The following SYNE1 variants were observed in gnomAD, a reference collection of about 807,000 sequenced individuals.
SYNE1 encodes the protein nesprin-1.
A neutral mutation model predicts 1,111.0 loss-of-function variants in SYNE1; 616 were observed. That is an observed-to-expected ratio of 0.55 (90% confidence interval 0.52 to 0.59). The LOEUF (loss-of-function observed/expected upper bound fraction) is 0.59. Ranked by LOEUF, SYNE1 falls within the 20% of genes least tolerant of loss-of-function variation. SYNE1 has a pLI of 0.00. For missense variants in SYNE1, 10,006 were observed against 10,417.0 expected (o/e 0.96, Z 1.72); for synonymous variants, 3,855 against 3,825.8 (o/e 1.01, Z -0.28).
rs774875575 is a variant in SYNE1 at position 152,135,146 on chromosome 6, G to T, written c.25746C>A (p.Asn8582Lys). The change falls in exon 142 of 146, where the codon AAC (asparagine) becomes AAA (lysine). Residue 8582 changes from asparagine (N) to lysine (K), a missense_variant. Transcript: ENST00000367255. The part of the protein sequence containing the change: ...RKNEIVPIDS[N>K]LDAEILQDHH... ...GGTCCTGAAGTATCTCTGCATCAAGGTTAGAATCAATAGGGACAATTTCAT... is the reference window on the plus strand; with the variant it reads ...GGTCCTGAAGTATCTCTGCATCAAGTTTAGAATCAATAGGGACAATTTCAT... 4 of 1,613,996 alleles carry T rather than the reference G, an allele frequency of 2.5e-6. No individual in the cohort carries two copies. The South Asian group carries it at 3.3e-5, about 13-fold the overall frequency.
intron 3 of SYNE1, among the ~76,000 whole-genome samples, chr6:152,605,018 G>A (rs1173201452): frequency 2.7e-4 from 18 of 65,514 alleles, no homozygotes; most frequent in African/African-American, 7.9e-4. Context: ...GAGAGAGAGA[G>A]AGAGAGAGAG....
intron 82 of SYNE1, 29 bp downstream of exon 82, chr6:152,323,449 C>T (rs2153937489): frequency 1.9e-6 from 3 of 1,608,158 alleles, no homozygotes; most frequent in Non-Finnish European, 2.5e-6. Flanking sequence ...AACAAACAAA[C>T]AAAAGAATGA....
chr6:152,490,003 A>AC (rs554982110), intron 11 of SYNE1, among the ~76,000 whole-genome samples: 1 of 151,760 alleles, frequency 6.6e-6, no homozygotes, highest in Non-Finnish European at 1.5e-5. Flanking sequence ...GCTAATATTC[A>AC]CCCAAATGCA....
rs2096215808 is a variant in SYNE1 at position 152,330,329 on chromosome 6, T to A, written c.14356A>T (p.Met4786Leu). The A allele has an allele frequency of 3.7e-6, 6 of 1,614,156 alleles. No individual in the cohort carries two copies. The East Asian group carries it at 8.9e-5, about 24-fold the overall frequency. The part of the protein sequence containing the change: ...TTSAYQEHEK[M>L]CQQLERQLKS... ...AGTTGTCTCTCCAGCTGTTGGCACA[T>A]CTTCTCGTGTTCTTGGTAAGCACTG... is the stretch of plus-strand genomic sequence containing the variant. The change falls in exon 78 of 146, where the codon ATG (methionine) becomes TTG (leucine). Residue 4786 changes from methionine (M) to leucine (L), a missense_variant. Met to Leu is a conservative substitution (Grantham distance 15, BLOSUM62 2). Around this residue, in one of 7 missense-constraint regions of SYNE1, gnomAD observed 4,955 missense variants for 5,017.2 expected, o/e 0.99. Coordinates refer to ENST00000367255, the MANE Select transcript of SYNE1 (RefSeq NM_182961.4).
At chr6:152,367,446 G>A (rs1436001244) in intron 61 of SYNE1, 64 bp from the exon 62 acceptor site, 1 of 1,594,316 alleles carries the variant, frequency 6.3e-7, no homozygotes, top group Non-Finnish European at 8.5e-7. Flanking sequence ...AAAGCTAACA[G>A]TTTGTTTGAA....
At chr6:152,338,067 G>C (rs1454097610) in intron 75 of SYNE1, among the ~76,000 whole-genome samples, 1 of 152,100 alleles carries the variant, frequency 6.6e-6, no homozygotes, top group Admixed American at 6.5e-5. Flanking sequence ...AGAATTGCTT[G>C]AATGTGGGAG....
At chr6:152,584,411 AC>A (rs2099530664) in intron 3 of SYNE1, among the ~76,000 whole-genome samples, 1 of 152,152 alleles carries the variant, frequency 6.6e-6, no homozygotes, top group South Asian at 2.1e-4. Flanking sequence ...GTGCAAAATA[AC>A]ATCTGCTTCT....
intron 15 of SYNE1, 102 bp downstream of exon 15, chr6:152,472,199 C>A (rs1045931228): frequency 1.6e-5 from 15 of 966,256 alleles, no homozygotes; most frequent in African/African-American, 1.5e-4. Context: ...CAAAGGTAGG[C>A]GCCTCTGTTA....
chr6:152,219,212 C>T (rs1156377824), intron 119 of SYNE1, 27 bp from the exon 120 acceptor site: 1 of 1,609,046 alleles, frequency 6.2e-7, no homozygotes, highest in South Asian at 1.1e-5. Flanking sequence ...TATGCCCACT[C>T]TGAAGCATGT....
chr6:152,136,856 A>G (rs1239516850), intron 140 of SYNE1, 38 bp from the exon 141 acceptor site: 1 of 1,599,640 alleles, frequency 6.3e-7, no homozygotes, highest in South Asian at 1.1e-5. Context: ...CAAGGACAAT[A>G]ATGACAAAGA....
In SYNE1 at chr6:152,269,510, AG is replaced by A. The variant is rs1443134132; in HGVS notation, c.18574-225del. 9.2e-5 allele frequency among the ~76,000 whole-genome samples: 14 copies of A among 152,348 alleles called. No individual in the cohort carries two copies. The East Asian group carries it at 2.7e-3, about 29-fold the overall frequency. ...AGATAATCACACATAGAACTGTTTG[AG>A]GGGAAAACCCATATATTTAGAGGTT... On this transcript the variant is annotated intron_variant, in intron 98 of 145. Transcript: ENST00000367255.
chr6:152,141,439 C>T, intron 138 of SYNE1, 110 bp from the exon 139 acceptor site: 1 of 1,444,650 alleles, frequency 6.9e-7, no homozygotes, highest in Non-Finnish European at 9.6e-7. Context: ...CTGTGTTTGG[C>T]TCCTCTGTGC....
chr6:152,239,507 A>C lies in SYNE1; in HGVS notation c.20067+26T>G, dbSNP rs939233596. The C allele has an allele frequency of 2.5e-6, 4 of 1,614,120 alleles. No individual in the cohort carries two copies. The Admixed American group carries it at 5.0e-5, about 20-fold the overall frequency. ...TTTTGCAGCAGGAAGTTTGCAGCAC[A>C]GAAGATATGACATCAATGGTCTCAC... On this transcript the variant is annotated intron_variant, in intron 108 of 145. Transcript: ENST00000367255.
intron 133 of SYNE1, among the ~76,000 whole-genome samples, chr6:152,154,445 TACACACACACACACACACAC>T (rs56398921): frequency 2.1e-5 from 3 of 143,174 alleles, no homozygotes; most frequent in African/African-American, 5.2e-5. Context: ...TTTTATCAAA[TACACACACACACACACACAC>T]ACACACACAC....
Position 152,278,554 on chromosome 6 carries a change from C to T in SYNE1, c.18382-274G>A, listed in dbSNP as rs188548020. Reference sequence around the variant, plus strand: ...CTTGACTCACTGCAAGCTCCGCCTCCCAGGTTCACGCCATTCTCCTGCCTC... The same window carrying T: ...CTTGACTCACTGCAAGCTCCGCCTCTCAGGTTCACGCCATTCTCCTGCCTC... On this transcript the variant is annotated intron_variant, in intron 97 of 145. Coordinates refer to ENST00000367255, the MANE Select transcript of SYNE1 (RefSeq NM_182961.4). 1.9e-3 allele frequency among the ~76,000 whole-genome samples: 283 copies of T among 152,182 alleles called. 1 individual carries two copies. The highest frequency in any genetic ancestry group is 6.4e-3 in the African/African-American group (265 of 41,516).
Position 152,236,839 on chromosome 6 carries a change from A to G in SYNE1, c.20177T>C (p.Ile6726Thr), listed in dbSNP as rs1445143476. 6 of 1,614,158 alleles carry G rather than the reference A, an allele frequency of 3.7e-6. No homozygotes were observed. Among genetic ancestry groups the G allele is most frequent in the East Asian group, 4.5e-5 (2 of 44,884 alleles). Residue 6726 changes from isoleucine to threonine, a missense_variant, in exon 109 of 146, where the codon ATT becomes ACT. Around this residue, in one of 7 missense-constraint regions of SYNE1, gnomAD observed 2,182 missense variants for 2,287.8 expected, o/e 0.95. Transcript: ENST00000367255. ...GLVEENEDRL[I>T]DRITLYQHLK... ...AACCTGGTAGAGTGTTATGCGGTCA[A>G]TAAGCCTGTCCTCGTTCTCCTCCAC... is the stretch of plus-strand genomic sequence containing the variant.
intron 3 of SYNE1, among the ~76,000 whole-genome samples, chr6:152,555,525 C>T (rs576462674): frequency 3.3e-5 from 5 of 152,206 alleles, no homozygotes; most frequent in East Asian, 3.9e-4. Context: ...CTATGATGTA[C>T]GCACAATGAC....
At position 152,636,803 on chromosome 6, in the gene SYNE1, G is replaced by T. The variant is rs2099706618; in HGVS notation, c.-389C>A. The T allele has an allele frequency of 6.6e-6, 1 of 152,186 alleles. No individual in the cohort carries two copies. Among genetic ancestry groups the T allele is most frequent in the Non-Finnish European group, 1.5e-5 (1 of 68,072 alleles). 9.4% of individuals were successfully genotyped at this position (152,186 alleles called of 1,614,324 possible). ...TCTGCAGGACTGCGGGAGCCCAGCC[G>T]CCCTGGTGACAGAGGACAACAATCT... On this transcript the variant is annotated splice_region_variant and 5_prime_UTR_variant, in exon 2 of 146. Coordinates refer to ENST00000367255, the MANE Select transcript of SYNE1 (RefSeq NM_182961.4).
intron 78 of SYNE1, among the ~76,000 whole-genome samples, chr6:152,329,200 C>T (rs952874777): frequency 1.3e-5 from 2 of 152,116 alleles, no homozygotes; most frequent in Non-Finnish European, 2.9e-5. Flanking sequence ...AAGATGGAAA[C>T]CACACAAAAT....
Sources: gnomAD v4.1 joint callset for allele counts (sites outside exome capture counted in the v4.1 genomes callset) on GRCh38, gnomAD v4.1.1 for gene constraint, gnomAD v4.1.1 regional missense constraint, MANE v1.5 for transcripts, NCBI Gene and HGNC (gene_info 2026-07-23, HGNC 2026-07-21) for gene names.